The following CNTNAP2 variants were observed in gnomAD, a reference collection of about 807,000 sequenced individuals.
CNTNAP2 encodes the protein contactin-associated protein-like 2.
Under a neutral mutation model 155.2 loss-of-function variants are expected in CNTNAP2, and 98 were observed. The observed-to-expected ratio is 0.63, with a 90% CI of 0.54 to 0.75. The LOEUF (loss-of-function observed/expected upper bound fraction) is 0.75, where lower values mean the gene tolerates loss of function less well. CNTNAP2 is among the 30% of genes least tolerant of loss of function. CNTNAP2 has a pLI of 0.00. For missense variants in CNTNAP2, 1,727 were observed against 1,688.1 expected (o/e 1.02, Z -0.40); for synonymous variants, 651 against 631.2 (o/e 1.03, Z -0.47).
chr7:147,686,094 A>C (rs1342267545), intron 13 of CNTNAP2, among the ~76,000 whole-genome samples: 1 of 152,046 alleles, frequency 6.6e-6, no homozygotes, highest in Non-Finnish European at 1.5e-5. Context: ...GCTGCTATAC[A>C]CAAGGAAGCA....
intron 10 of CNTNAP2, among the ~76,000 whole-genome samples, chr7:147,479,715 G>A (rs1798388275): frequency 6.7e-6 from 1 of 149,724 alleles, no homozygotes; most frequent in Admixed American, 6.8e-5. Flanking sequence ...ATTAATAGAT[G>A]TAGACCAAAT....
intron 1 of CNTNAP2, among the ~76,000 whole-genome samples, chr7:146,295,874 CA>C (rs112015205): frequency 5.1e-4 from 55 of 107,200 alleles, no homozygotes; most frequent in South Asian, 9.0e-4. Flanking sequence ...GACTCCATCT[CA>C]AAAAAAAAAA....
chr7:147,973,490 A>G (rs185410122), intron 14 of CNTNAP2, among the ~76,000 whole-genome samples: 12 of 152,216 alleles, frequency 7.9e-5, no homozygotes, highest in African/African-American at 4.8e-5. Flanking sequence ...ATAAACTTCA[A>G]TATAGCATTA....
At chr7:147,623,685 ATCTATAGATTCAGTGTAATTCCT>A (rs1375057346) in intron 12 of CNTNAP2, among the ~76,000 whole-genome samples, 12 of 152,046 alleles carry the variant, frequency 7.9e-5, no homozygotes. Flanking sequence ...TCCCAAAGTG[ATCTATAGATTCAGTGTAATTCCT>A]ATGAAAATAC....
chr7:147,419,506 C>A lies in CNTNAP2; in HGVS notation c.1670+23726C>A, dbSNP rs1797253867. Among the ~76,000 whole-genome samples the A allele has an allele frequency of 3.3e-5, 5 of 152,172 alleles. No homozygotes were observed. In the South Asian group the frequency reaches 1.0e-3, roughly 32 times the overall value. On this transcript the variant is annotated intron_variant, in intron 10 of 23. Transcript: ENST00000361727. ...TCACATCATACTGTCTAGCAAGATGCCTTATTTTTATTTAATAATTTCATT... is the reference window on the plus strand; with the variant it reads ...TCACATCATACTGTCTAGCAAGATGACTTATTTTTATTTAATAATTTCATT...
chr7:146,817,498 A>G (rs1803196722), intron 2 of CNTNAP2, among the ~76,000 whole-genome samples: 1 of 151,940 alleles, frequency 6.6e-6, no homozygotes, highest in Non-Finnish European at 1.5e-5. Context: ...GAAACTGGGT[A>G]ATTTATATAA....
chr7:147,269,688 T>G (rs1223062188), intron 8 of CNTNAP2, among the ~76,000 whole-genome samples: 1 of 152,108 alleles, frequency 6.6e-6, no homozygotes, highest in Admixed American at 6.5e-5. Flanking sequence ...AGCTGAGATT[T>G]ATGTATGGAT....
At chr7:147,157,231 A>G (rs1801942609) in intron 8 of CNTNAP2, among the ~76,000 whole-genome samples, 1 of 152,048 alleles carries the variant, frequency 6.6e-6, no homozygotes, top group African/African-American at 2.4e-5. Context: ...TTCACATTAG[A>G]GCACTATTTC....
chr7:148,290,038 G>A (rs1263340161), intron 21 of CNTNAP2, among the ~76,000 whole-genome samples: 2 of 152,160 alleles, frequency 1.3e-5, no homozygotes, highest in Non-Finnish European at 2.9e-5. Flanking sequence ...TCTATGTTCA[G>A]TGTTATATGC....
chr7:146,705,866 G>A (rs575632051), intron 1 of CNTNAP2, among the ~76,000 whole-genome samples: 293 of 152,138 alleles, frequency 1.9e-3, no homozygotes, highest in Non-Finnish European at 3.4e-3. Flanking sequence ...ATTTGGGTGG[G>A]GACACAGCCA....
chr7:147,845,043 G>C (rs1269500704), intron 13 of CNTNAP2, among the ~76,000 whole-genome samples: 2 of 92,316 alleles, frequency 2.2e-5, no homozygotes, highest in African/African-American at 4.2e-5. Context: ...CAAGGATATT[G>C]GTCTAAAATT....
At chr7:147,231,886 T>C (rs930832430) in intron 8 of CNTNAP2, among the ~76,000 whole-genome samples, 7 of 152,236 alleles carry the variant, frequency 4.6e-5, no homozygotes, top group Non-Finnish European at 7.3e-5. Context: ...TGCCTTTTTA[T>C]TTTGTTAATT....
chr7:148,395,539 C>T (rs1038579117), intron 22 of CNTNAP2, among the ~76,000 whole-genome samples: 3 of 151,922 alleles, frequency 2.0e-5, no homozygotes, highest in Non-Finnish European at 2.9e-5. Flanking sequence ...AGAGAATAGA[C>T]TTGGCAGGCT....
intron 9 of CNTNAP2, among the ~76,000 whole-genome samples, chr7:147,329,759 C>A (rs1200364605): frequency 6.9e-6 from 1 of 145,450 alleles, no homozygotes; most frequent in African/African-American, 2.5e-5. Flanking sequence ...TAGTTCAGAT[C>A]GCCATTTATA....
chr7:146,389,684 C>CTTTTTTCTTTTCTTTTTTCTTTTTTT (rs1795511649), intron 1 of CNTNAP2, among the ~76,000 whole-genome samples: 1 of 146,018 alleles, frequency 6.8e-6, no homozygotes, highest in South Asian at 2.1e-4. Flanking sequence ...TTCTTTTTTT[C>CTTTTTTCTTTTCTTTTTTCTTTTTTT]TTTTTTCTTT....
intron 1 of CNTNAP2, among the ~76,000 whole-genome samples, chr7:146,772,720 GA>G (rs1220317479): frequency 6.6e-6 from 1 of 151,902 alleles, no homozygotes; most frequent in East Asian, 1.9e-4. Flanking sequence ...GGCTAGACAG[GA>G]ATAGACAAGA....
At chr7:147,193,852 C>T (rs1037171617) in intron 8 of CNTNAP2, among the ~76,000 whole-genome samples, 4 of 151,926 alleles carry the variant, frequency 2.6e-5, no homozygotes, top group African/African-American at 9.7e-5. Flanking sequence ...AGTAGGGATA[C>T]TTTTAAGACA....
intron 3 of CNTNAP2, among the ~76,000 whole-genome samples, chr7:146,897,938 T>C (rs1795911026): frequency 6.6e-6 from 1 of 151,922 alleles, no homozygotes. Context: ...AATGTTTATA[T>C]ATATTTTTAA....
intron 1 of CNTNAP2, among the ~76,000 whole-genome samples, chr7:146,514,821 C>A (rs1376575855): frequency 6.6e-6 from 1 of 151,926 alleles, no homozygotes; most frequent in Non-Finnish European, 1.5e-5. Flanking sequence ...GTAGTCTTTG[C>A]CTTCTGGCTT....
Sources: gnomAD v4.1 joint callset for allele counts (sites outside exome capture counted in the v4.1 genomes callset) on GRCh38, gnomAD v4.1.1 for gene constraint, MANE v1.5 for transcripts, NCBI Gene and HGNC (gene_info 2026-07-23, HGNC 2026-07-21) for gene names.